The following LARGE1 variants were observed in gnomAD, a reference collection of about 807,000 sequenced individuals.
LARGE1 encodes the protein LARGE xylosyl- and glucuronyltransferase 1, also known as xylosyl- and glucuronyltransferase LARGE1.
LARGE1 carries 43 observed loss-of-function variants against 87.6 expected under a neutral mutation model. That is an observed-to-expected ratio of 0.49 (90% confidence interval 0.38 to 0.63). The LOEUF (loss-of-function observed/expected upper bound fraction) is 0.63. Among genes scored for constraint, LARGE1 ranks in the 30% least tolerant of loss-of-function variants. LARGE1 has a pLI of 0.00. For synonymous variants in LARGE1, 434 were observed against 394.6 expected, an observed-to-expected ratio of 1.10 and a Z score of -1.18; for missense variants, 802 against 1,000.2, an observed-to-expected ratio of 0.80 and a Z score of 2.67.
chr22:33,108,416 G>A, the LARGE1 span: 3 of 152,172 alleles, frequency 2.0e-5, no homozygotes, highest in Non-Finnish European at 4.4e-5. Context: ...AGAAGGAGTG[G>A]TTTTTCTGCA....
the LARGE1 span, among the ~76,000 whole-genome samples, chr22:33,122,151 A>T: frequency 1.5e-4 from 23 of 152,114 alleles, no homozygotes; most frequent in Non-Finnish European, 2.5e-4. Context: ...TAATCTTGTC[A>T]TAATTAACTG....
chr22:33,337,732 A>G lies in LARGE1; in HGVS notation c.1201T>C (p.Tyr401His), dbSNP rs752943902. ...NKHVEFFRNL[Y>H]LTFLEYDGNL... Reference sequence around the variant, plus strand: ...CCGTCATACTCCAGGAAGGTCAGGTAGAGGTTGCGAAAAAACTCCACATGC... The same window carrying G: ...CCGTCATACTCCAGGAAGGTCAGGTGGAGGTTGCGAAAAAACTCCACATGC... The change falls in exon 10 of 15, where the codon TAC becomes CAC. Residue 401 changes from tyrosine (Y) to histidine (H), a missense_variant. Physicochemically the swap from Tyr to His is moderately conservative, Grantham distance 83. Transcript: ENST00000397394. 12 of 1,614,050 alleles carry G rather than the reference A, an allele frequency of 7.4e-6. No individual in the cohort carries two copies. The highest frequency in any genetic ancestry group is 1.0e-5 in the Non-Finnish European group (12 of 1,180,030).
intron 1 of LARGE1, among the ~76,000 whole-genome samples, chr22:33,899,055 T>G (rs1024151253): frequency 2.0e-5 from 3 of 152,242 alleles, no homozygotes; most frequent in Non-Finnish European, 4.4e-5. Context: ...CCCTGCAGTA[T>G]GGAGACATCA....
At chr22:33,382,455 C>T (rs1323168127) in intron 8 of LARGE1, among the ~76,000 whole-genome samples, 2 of 152,186 alleles carry the variant, frequency 1.3e-5, no homozygotes, top group Non-Finnish European at 2.9e-5. Context: ...CAAGTAGCCC[C>T]ACTCATTCAG....
At chr22:33,857,556 G>A (rs1473033904) in intron 1 of LARGE1, among the ~76,000 whole-genome samples, 1 of 152,204 alleles carries the variant, frequency 6.6e-6, no homozygotes, top group Non-Finnish European at 1.5e-5. Context: ...AGTAATTAAT[G>A]CTCTCCTAGA....
intron 9 of LARGE1, among the ~76,000 whole-genome samples, chr22:33,375,848 A>G (rs1453844408): frequency 2.6e-5 from 4 of 152,156 alleles, no homozygotes; most frequent in Admixed American, 6.5e-5. Context: ...CCTGGGGTGA[A>G]GCAGTTCTCC....
At chr22:33,604,813 C>G (rs2079208330) in intron 4 of LARGE1, among the ~76,000 whole-genome samples, 1 of 152,172 alleles carries the variant, frequency 6.6e-6, no homozygotes, top group South Asian at 2.1e-4. Flanking sequence ...ACACCCAATT[C>G]AGGCCAAACG....
At chr22:33,076,723 T>A in the LARGE1 span, among the ~76,000 whole-genome samples, 2 of 152,178 alleles carry the variant, frequency 1.3e-5, no homozygotes, top group Non-Finnish European at 2.9e-5. Context: ...CATATGTCTA[T>A]AAACAAAATA....
chr22:33,877,273 AT>A (rs1462589569), intron 1 of LARGE1, among the ~76,000 whole-genome samples: 3 of 152,082 alleles, frequency 2.0e-5, no homozygotes, highest in Admixed American at 2.0e-4. Flanking sequence ...CTGCCATGTA[AT>A]TTTATTGTTA....
intron 6 of LARGE1, among the ~76,000 whole-genome samples, chr22:33,507,957 C>T (rs937250859): frequency 1.3e-5 from 2 of 152,176 alleles, no homozygotes; most frequent in Non-Finnish European, 2.9e-5. Context: ...ACAATTCCTA[C>T]CTCCTCCTTG....
At chr22:33,746,531 T>A (rs1488255320) in intron 2 of LARGE1, 5 of 152,218 alleles carry the variant, frequency 3.3e-5, no homozygotes, top group African/African-American at 1.2e-4. Flanking sequence ...GCGGAATGAA[T>A]GAATAACCTT....
intron 11 of LARGE1, among the ~76,000 whole-genome samples, chr22:33,201,915 AT>A (rs1306850721): frequency 2.6e-5 from 4 of 152,152 alleles, no homozygotes; most frequent in Admixed American, 2.0e-4. Flanking sequence ...AGGTGGGTAG[AT>A]CACGAGGTCA....
intron 11 of LARGE1, among the ~76,000 whole-genome samples, chr22:33,263,985 T>C (rs1317926271): frequency 1.3e-5 from 2 of 152,202 alleles, no homozygotes; most frequent in Non-Finnish European, 2.9e-5. Flanking sequence ...CTCTGTAAAA[T>C]GGGTCTAGTA....
At chr22:33,746,135 G>T (rs893316192) in intron 2 of LARGE1, among the ~76,000 whole-genome samples, 1 of 152,168 alleles carries the variant, frequency 6.6e-6, no homozygotes, top group Non-Finnish European at 1.5e-5. Flanking sequence ...CCAGCTACTC[G>T]GGAGGCTGAG....
At chr22:33,902,850 G>T (rs985792279) in intron 1 of LARGE1, among the ~76,000 whole-genome samples, 1 of 152,198 alleles carries the variant, frequency 6.6e-6, no homozygotes, top group Non-Finnish European at 1.5e-5. Flanking sequence ...AGGTGATTAA[G>T]GCTGGGCGCA....
At chr22:33,825,586 C>T (rs997397466) in intron 1 of LARGE1, among the ~76,000 whole-genome samples, 6 of 152,106 alleles carry the variant, frequency 3.9e-5, no homozygotes, top group Non-Finnish European at 8.8e-5. Context: ...TATCAGATCT[C>T]GTGAGAACTC....
chr22:33,108,730 C>T, the LARGE1 span: 1 of 152,050 alleles, frequency 6.6e-6, no homozygotes, highest in South Asian at 2.1e-4. Context: ...ATAATAATTA[C>T]TAATATTATT....
chr22:33,440,591 A>T (rs973960090), intron 6 of LARGE1, among the ~76,000 whole-genome samples: 2 of 152,216 alleles, frequency 1.3e-5, no homozygotes, highest in African/African-American at 4.8e-5. Context: ...ATTTAATAGC[A>T]CCATTCAATG....
intron 6 of LARGE1, among the ~76,000 whole-genome samples, chr22:33,556,508 A>AAGGAAGGAAGGGAGGG (rs1441347635): frequency 4.6e-5 from 5 of 109,760 alleles, no homozygotes; most frequent in Admixed American, 1.0e-4. Flanking sequence ...GCAAGGAAAG[A>AAGGAAGGAAGGGAGGG]AGGAAGGAAG....
Sources: allele counts gnomAD v4.1 joint callset (sites outside exome capture counted in the v4.1 genomes callset), GRCh38; gene constraint gnomAD v4.1.1; transcripts MANE v1.5; gene names NCBI Gene and HGNC (gene_info 2026-07-23, HGNC 2026-07-21).